NCKAP5: variants seen among roughly 807,000 people sequenced by gnomAD.
NCKAP5 encodes nck-associated protein 5.
A neutral mutation model predicts 167.0 loss-of-function variants in NCKAP5; 92 were observed. The observed-to-expected ratio is 0.55, with a 90% CI of 0.47 to 0.66. The LOEUF (loss-of-function observed/expected upper bound fraction) is 0.66. Among genes scored for constraint, NCKAP5 ranks in the 30% least tolerant of loss-of-function variants. The pLI is 0.00. For missense variants in NCKAP5, 2,378 were observed against 2,315.0 expected (o/e 1.03, Z -0.56); for synonymous variants, 891 against 877.4 (o/e 1.02, Z -0.27).
chr2:133,348,846 C>G (rs1684157193), intron 3 of NCKAP5, among the ~76,000 whole-genome samples: 1 of 152,234 alleles, frequency 6.6e-6, no homozygotes, highest in South Asian at 2.1e-4. Flanking sequence ...TAAGAAGACA[C>G]ATGACAAAGA....
chr2:133,297,200 T>A (rs1680025767), intron 4 of NCKAP5, among the ~76,000 whole-genome samples: 1 of 138,252 alleles, frequency 7.2e-6, no homozygotes, highest in African/African-American at 2.6e-5. Context: ...TGTGTGTGTG[T>A]GTGTGTGTGT....
intron 3 of NCKAP5, among the ~76,000 whole-genome samples, chr2:133,392,679 A>C (rs1687492000): frequency 6.6e-6 from 1 of 152,276 alleles, no homozygotes; most frequent in African/African-American, 2.4e-5. Context: ...CCTCCCCTTA[A>C]TAAGCTTAAA....
chr2:132,874,073 C>T (rs7576372), intron 9 of NCKAP5, among the ~76,000 whole-genome samples: 13 of 149,858 alleles, frequency 8.7e-5, no homozygotes, highest in South Asian at 2.1e-4. Context: ...GTGACAAGTA[C>T]GATCGTCTTC....
chr2:133,236,754 C>T (rs1227848644), intron 4 of NCKAP5, among the ~76,000 whole-genome samples: 1 of 152,116 alleles, frequency 6.6e-6, no homozygotes, highest in Non-Finnish European at 1.5e-5. Context: ...TATTCATAAG[C>T]CTTCAAGTAA....
chr2:133,130,658 G>A (rs995462433), intron 5 of NCKAP5, among the ~76,000 whole-genome samples: 6 of 152,182 alleles, frequency 3.9e-5, no homozygotes, highest in Admixed American at 2.0e-4. Flanking sequence ...GCCACCCACT[G>A]TTTTTATAAT....
At chr2:133,413,409 G>A (rs1688899073) in intron 3 of NCKAP5, among the ~76,000 whole-genome samples, 1 of 152,160 alleles carries the variant, frequency 6.6e-6, no homozygotes, top group Admixed American at 6.5e-5. Context: ...AATGTGTTGT[G>A]ATTGGCCTGT....
chr2:133,383,388 C>A (rs906473271), intron 3 of NCKAP5, among the ~76,000 whole-genome samples: 2 of 152,194 alleles, frequency 1.3e-5, no homozygotes, highest in Admixed American at 1.3e-4. Context: ...CTACAAAGGA[C>A]ATGAACTCAT....
chr2:132,889,044 G>T (rs1574527573), intron 8 of NCKAP5, among the ~76,000 whole-genome samples: 1 of 152,144 alleles, frequency 6.6e-6, no homozygotes, highest in Non-Finnish European at 1.5e-5. Flanking sequence ...TACCATGTAG[G>T]CAGTCTGAAT....
At chr2:132,687,446 G>C (rs1269271837) in intron 19 of NCKAP5, among the ~76,000 whole-genome samples, 1 of 152,132 alleles carries the variant, frequency 6.6e-6, no homozygotes, top group African/African-American at 2.4e-5. Flanking sequence ...TTAAATGTGA[G>C]TGGGCTGGTG....
At chr2:133,430,309 C>A (rs956714530) in intron 3 of NCKAP5, among the ~76,000 whole-genome samples, 8 of 152,034 alleles carry the variant, frequency 5.3e-5, no homozygotes, top group Non-Finnish European at 1.0e-4. Flanking sequence ...AATATTTTCT[C>A]CCAATGTGTA....
chr2:133,354,337 G>A (rs955799901), intron 3 of NCKAP5, among the ~76,000 whole-genome samples: 6 of 149,306 alleles, frequency 4.0e-5, no homozygotes. Flanking sequence ...ACCCAGGCTG[G>A]ACTTGAACTC....
intron 5 of NCKAP5, among the ~76,000 whole-genome samples, chr2:133,187,153 C>A (rs1015296726): frequency 1.3e-5 from 2 of 151,998 alleles, no homozygotes; most frequent in African/African-American, 4.8e-5. Flanking sequence ...TAAGTTGTGT[C>A]TCTATTTTCA....
chr2:132,908,979 A>G (rs1051980376), intron 8 of NCKAP5, among the ~76,000 whole-genome samples: 22 of 152,210 alleles, frequency 1.4e-4, no homozygotes, highest in African/African-American at 5.1e-4. Context: ...AAGTAATCAG[A>G]TGTTTTGTTG....
chr2:133,477,756 A>G (rs1042007268), intron 3 of NCKAP5, among the ~76,000 whole-genome samples: 5 of 152,168 alleles, frequency 3.3e-5, no homozygotes, highest in Non-Finnish European at 2.9e-5. Context: ...ATGATGTGAT[A>G]ACTTAGGCTA....
chr2:133,542,052 G>T (rs1485294876), intron 2 of NCKAP5, among the ~76,000 whole-genome samples: 1 of 152,136 alleles, frequency 6.6e-6, no homozygotes, highest in Non-Finnish European at 1.5e-5. Flanking sequence ...GGTTGGTGGA[G>T]CTGAGATCAT....
chr2:133,530,031 C>T (rs936861919), intron 2 of NCKAP5, among the ~76,000 whole-genome samples: 4 of 152,054 alleles, frequency 2.6e-5, no homozygotes, highest in Admixed American at 6.6e-5. Context: ...ATCCTTTATG[C>T]GTTCTAAATT....
At chr2:132,711,750 T>C (rs976904223) in intron 19 of NCKAP5, among the ~76,000 whole-genome samples, 10 of 152,086 alleles carry the variant, frequency 6.6e-5, no homozygotes, top group African/African-American at 2.4e-4. Flanking sequence ...GAGAATGGTA[T>C]AGAAAAACTC....
intron 19 of NCKAP5, among the ~76,000 whole-genome samples, chr2:132,721,340 A>T (rs1168028049): frequency 2.0e-5 from 2 of 101,224 alleles, no homozygotes; most frequent in African/African-American, 9.9e-5. Context: ...AAGAAATTTC[A>T]GGGAACCAAG....
intron 3 of NCKAP5, among the ~76,000 whole-genome samples, chr2:133,428,497 G>C (rs1689952088): frequency 6.6e-6 from 1 of 152,046 alleles, no homozygotes; most frequent in African/African-American, 2.4e-5. Context: ...ATTTAAGTTA[G>C]AAGTGCAAAA....
Sources: gnomAD v4.1 joint callset for allele counts (sites outside exome capture counted in the v4.1 genomes callset) on GRCh38, gnomAD v4.1.1 for gene constraint, MANE v1.5 for transcripts, NCBI Gene and HGNC (gene_info 2026-07-23, HGNC 2026-07-21) for gene names.